The following CACNA1E variants were observed in gnomAD, a reference collection of about 807,000 sequenced individuals.
CACNA1E encodes the protein voltage-dependent R-type calcium channel subunit alpha-1E.
Under a neutral mutation model 259.2 loss-of-function variants are expected in CACNA1E, and 40 were observed. The ratio of observed to expected loss-of-function variants is 0.15; its 90% confidence interval spans 0.12 to 0.20. The LOEUF (loss-of-function observed/expected upper bound fraction) is 0.20, where lower values mean the gene tolerates loss of function less well. CACNA1E is among the 10% of genes least tolerant of loss of function. The pLI is 1.00. For missense variants in CACNA1E, 1,874 were observed against 3,040.1 expected, an observed-to-expected ratio of 0.62 and a Z score of 9.02; for synonymous variants, 1,104 against 1,138.5, an observed-to-expected ratio of 0.97 and a Z score of 0.61.
intron 3 of CACNA1E, among the ~76,000 whole-genome samples, chr1:181,557,668 C>T (rs2102870988): frequency 6.6e-6 from 1 of 152,360 alleles, no homozygotes; most frequent in South Asian, 2.1e-4. Flanking sequence ...CCCTTCCTGT[C>T]TACTTTCTCA....
At chr1:181,411,851 C>G (rs569317141) in intron 1 of CACNA1E, among the ~76,000 whole-genome samples, 1 of 152,386 alleles carries the variant, frequency 6.6e-6, no homozygotes, top group South Asian at 2.1e-4. Context: ...CTCAAGTGAT[C>G]TGCTCGCCTT....
At chr1:181,643,994 G>A (rs1658037098) in intron 6 of CACNA1E, among the ~76,000 whole-genome samples, 1 of 152,186 alleles carries the variant, frequency 6.6e-6, no homozygotes, top group South Asian at 2.1e-4. Context: ...TCCTGGGCCT[G>A]ACAGGCTCAG....
intron 1 of CACNA1E, among the ~76,000 whole-genome samples, chr1:181,351,354 G>A (rs1252511889): frequency 6.6e-6 from 1 of 152,200 alleles, no homozygotes; most frequent in African/African-American, 2.4e-5. Context: ...AATATGGTGG[G>A]GAGAAGAATG....
intron 2 of CACNA1E, among the ~76,000 whole-genome samples, chr1:181,450,426 GT>G (rs1661081776): frequency 5.8e-5 from 3 of 51,764 alleles, no homozygotes; most frequent in African/African-American, 5.6e-4. Context: ...GGGGGATTGT[GT>G]GTGTGTGTGT....
chr1:181,552,189 T>C (rs536131321), intron 3 of CACNA1E, among the ~76,000 whole-genome samples: 1 of 152,346 alleles, frequency 6.6e-6, no homozygotes, highest in South Asian at 2.1e-4. Context: ...GTGACACCCA[T>C]GTTTGTGAAC....
chr1:181,329,472 A>C lies in CACNA1E; in HGVS notation c.-15+11349A>C, dbSNP rs74127725. Among the ~76,000 whole-genome samples the C allele has an allele frequency of 9.5e-3, 1,447 of 152,170 alleles. 30 individuals are homozygous for C. Among genetic ancestry groups the C allele is most frequent in the African/African-American group, 0.033 (1,387 of 41,520 alleles). ...CTACCCCACCACAGCTTCAATGCCT[A>C]CTTTGCTCTCTATCACCCACCAGCT... On this transcript the variant is annotated intron_variant, in intron 1 of 11. Transcript: ENST00000524607.
chr1:181,624,964 CA>C (rs1201346154), intron 6 of CACNA1E, among the ~76,000 whole-genome samples: 2 of 151,696 alleles, frequency 1.3e-5, no homozygotes, highest in Non-Finnish European at 2.9e-5. Flanking sequence ...TGTTATCAGG[CA>C]TGAAAACAAC....
At chr1:181,461,494 T>C (rs1661810350) in intron 2 of CACNA1E, among the ~76,000 whole-genome samples, 1 of 144,530 alleles carries the variant, frequency 6.9e-6, no homozygotes, top group South Asian at 2.1e-4. Context: ...TGAGCCGAGA[T>C]TGCACCACTG....
At chr1:181,567,689 A>G (rs1168107969) in intron 3 of CACNA1E, among the ~76,000 whole-genome samples, 1 of 152,218 alleles carries the variant, frequency 6.6e-6, no homozygotes, top group Non-Finnish European at 1.5e-5. Flanking sequence ...CTTTCAAGGC[A>G]AACTGTTTCA....
Position 181,629,492 on chromosome 1 carries a change from C to T in CACNA1E, c.952-21846C>T, listed in dbSNP as rs570587904. Among the ~76,000 whole-genome samples, 7 of 152,192 alleles carry T rather than the reference C, an allele frequency of 4.6e-5. No homozygotes were observed. The South Asian group carries it at 1.5e-3, about 32-fold the overall frequency. On this transcript the variant is annotated intron_variant, in intron 6 of 47. Transcript: ENST00000367573. ...CTAAATAAGATTGAGAGGGAAAAAA[C>T]ATGAATATTTTCAGTTTTAGTGGGA...
At chr1:181,385,069 C>T in intron 1 of CACNA1E, among the ~76,000 whole-genome samples, 1 of 152,220 alleles carries the variant, frequency 6.6e-6, no homozygotes, top group African/African-American at 2.4e-5. Flanking sequence ...ACTGTAAATA[C>T]CCTCCCTTCA....
intron 6 of CACNA1E, among the ~76,000 whole-genome samples, chr1:181,613,947 T>G (rs556913720): frequency 1.2e-4 from 19 of 152,312 alleles, no homozygotes; most frequent in African/African-American, 4.3e-4. Flanking sequence ...GCCAAATATC[T>G]TTCTAAAATT....
At chr1:181,530,849 G>A (rs1468421940) in intron 3 of CACNA1E, among the ~76,000 whole-genome samples, 1 of 152,084 alleles carries the variant, frequency 6.6e-6, no homozygotes. Context: ...GGGCTGGAGA[G>A]GTAAAATGGA....
intron 21 of CACNA1E, among the ~76,000 whole-genome samples, chr1:181,735,227 G>A (rs1041914292): frequency 1.1e-4 from 17 of 152,192 alleles, no homozygotes; most frequent in African/African-American, 4.1e-4. Flanking sequence ...GTGTTTGTTT[G>A]CTTTAATACA....
intron 7 of CACNA1E, among the ~76,000 whole-genome samples, chr1:181,699,912 G>C (rs541774867): frequency 1.3e-5 from 2 of 152,278 alleles, no homozygotes; most frequent in South Asian, 2.1e-4. Flanking sequence ...TGTTACATCC[G>C]AGATGCCTAT....
chr1:181,689,339 C>A (rs111724202), intron 7 of CACNA1E, among the ~76,000 whole-genome samples: 17,925 of 152,212 alleles, frequency 0.12, 1,096 homozygotes, highest in Middle Eastern at 0.16. Flanking sequence ...ACATAGTATT[C>A]CACGATGTAT....
chr1:181,458,544 G>A (rs972510401), intron 2 of CACNA1E, among the ~76,000 whole-genome samples: 1 of 152,206 alleles, frequency 6.6e-6, no homozygotes, highest in Non-Finnish European at 1.5e-5. Context: ...GAGAAAAGAA[G>A]GCAGCAGACA....
At chr1:181,610,918 A>C (rs1654698278) in intron 6 of CACNA1E, among the ~76,000 whole-genome samples, 1 of 152,226 alleles carries the variant, frequency 6.6e-6, no homozygotes, top group Non-Finnish European at 1.5e-5. Flanking sequence ...CAACTCTTAC[A>C]ACTTTGCAAT....
chr1:181,499,778 A>G (rs1402650372), intron 1 of CACNA1E, among the ~76,000 whole-genome samples: 1 of 152,230 alleles, frequency 6.6e-6, no homozygotes, highest in Non-Finnish European at 1.5e-5. Context: ...AAAGCTTTCC[A>G]GGTGATTCTA....
Sources: allele counts gnomAD v4.1 joint callset (sites outside exome capture counted in the v4.1 genomes callset), GRCh38; gene constraint gnomAD v4.1.1; transcripts MANE v1.5; gene names NCBI Gene and HGNC (gene_info 2026-07-23, HGNC 2026-07-21).